Variants in NXN observed in about 807,000 individuals in gnomAD.
NXN encodes the protein nucleoredoxin 1.
NXN carries 16 observed loss-of-function variants against 48.6 expected under a neutral mutation model. The ratio of observed to expected loss-of-function variants is 0.33; its 90% CI spans 0.22 to 0.50. The LOEUF (loss-of-function observed/expected upper bound fraction) is 0.50, where lower values mean the gene tolerates loss of function less well. Among genes scored for constraint, NXN ranks in the 20% least tolerant of loss-of-function variants. The pLI is 0.98. For synonymous variants in NXN, 281 were observed against 269.6 expected, an observed-to-expected ratio of 1.04 and a Z score of -0.41; for missense variants, 492 against 605.5, an observed-to-expected ratio of 0.81 and a Z score of 1.97.
At chr17:806,646 AATTTAAT>A (rs1284804090) in intron 5 of NXN, among the ~76,000 whole-genome samples, 1 of 151,882 alleles carries the variant, frequency 6.6e-6, no homozygotes, top group Non-Finnish European at 1.5e-5. Context: ...AAGTCAGAGC[AATTTAAT>A]ATTTATAGAT....
intron 1 of NXN, among the ~76,000 whole-genome samples, chr17:846,197 G>A (rs2144731219): frequency 6.6e-6 from 1 of 152,230 alleles, no homozygotes; most frequent in Non-Finnish European, 1.5e-5. Context: ...GGGAGGCCAA[G>A]GCAGGTGGAT....
intron 1 of NXN, among the ~76,000 whole-genome samples, chr17:926,233 C>T (rs79502892): frequency 6.6e-6 from 1 of 152,142 alleles, no homozygotes; most frequent in Non-Finnish European, 1.5e-5. Flanking sequence ...TCACCCAGGC[C>T]GTAGTGCAGT....
intron 1 of NXN, among the ~76,000 whole-genome samples, chr17:827,539 CG>C (rs1408240068): frequency 1.3e-5 from 2 of 152,180 alleles, no homozygotes; most frequent in African/African-American, 4.8e-5. Context: ...AGGAGAATGG[CG>C]TGAACCCGGG....
intron 1 of NXN, chr17:911,161 T>C (rs2068632011): frequency 6.6e-6 from 1 of 152,104 alleles, no homozygotes; most frequent in African/African-American, 2.4e-5. Context: ...ATTATGTTTC[T>C]GTCTCCCATA....
At chr17:823,140 T>C (rs1173718261) in intron 3 of NXN, among the ~76,000 whole-genome samples, 3 of 148,070 alleles carry the variant, frequency 2.0e-5, no homozygotes, top group African/African-American at 7.5e-5. Flanking sequence ...GGTTCATGCT[T>C]GTAATCCCAG....
intron 1 of NXN, among the ~76,000 whole-genome samples, chr17:853,702 C>T (rs1416880829): frequency 8.4e-5 from 10 of 119,304 alleles, no homozygotes; most frequent in African/African-American, 1.8e-4. Context: ...CTGTTATACA[C>T]ATATATATAT....
chr17:806,321 C>G (rs1372388356), intron 5 of NXN, among the ~76,000 whole-genome samples: 1 of 151,522 alleles, frequency 6.6e-6, no homozygotes, highest in Non-Finnish European at 1.5e-5. Context: ...CCCCAGCTCC[C>G]CCCTTCCCCA....
At chr17:918,936 G>C (rs2068717709) in intron 1 of NXN, among the ~76,000 whole-genome samples, 1 of 151,906 alleles carries the variant, frequency 6.6e-6, no homozygotes. Flanking sequence ...AAGGTGGCGT[G>C]CGCCTGTAGT....
At chr17:844,086 G>A (rs866573220) in intron 1 of NXN, among the ~76,000 whole-genome samples, 2 of 141,494 alleles carry the variant, frequency 1.4e-5, no homozygotes, top group African/African-American at 5.4e-5. Flanking sequence ...AGGCGGTGGA[G>A]ACCAGGCCAT....
At chr17:812,458 A>C (rs1439564837) in intron 5 of NXN, among the ~76,000 whole-genome samples, 1 of 152,232 alleles carries the variant, frequency 6.6e-6, no homozygotes, top group Admixed American at 6.5e-5. Flanking sequence ...CTGAGACCCC[A>C]GGGCACAGAC....
intron 1 of NXN, among the ~76,000 whole-genome samples, chr17:831,866 G>A (rs1913491144): frequency 7.1e-6 from 1 of 140,614 alleles, no homozygotes; most frequent in African/African-American, 2.8e-5. Flanking sequence ...TGAACCTGTT[G>A]TGGTATATTT....
intron 1 of NXN, among the ~76,000 whole-genome samples, chr17:851,759 T>C (rs1204116696): frequency 1.3e-5 from 2 of 152,190 alleles, no homozygotes; most frequent in Non-Finnish European, 2.9e-5. Context: ...ATATTGCTAT[T>C]GTAAGTGGAG....
At chr17:833,311 G>A (rs1913601783) in intron 1 of NXN, among the ~76,000 whole-genome samples, 1 of 152,100 alleles carries the variant, frequency 6.6e-6, no homozygotes, top group Non-Finnish European at 1.5e-5. Context: ...AAGGTTACTC[G>A]GCTCTGAAAC....
At chr17:853,125 C>A (rs1385311883) in intron 1 of NXN, among the ~76,000 whole-genome samples, 1 of 151,986 alleles carries the variant, frequency 6.6e-6, no homozygotes, top group African/African-American at 2.4e-5. Context: ...CCACAGGCGC[C>A]CACCACCATG....
intron 1 of NXN, among the ~76,000 whole-genome samples, chr17:905,847 T>C (rs2144909020): frequency 1.3e-5 from 2 of 151,764 alleles, no homozygotes; most frequent in South Asian, 2.1e-4. Flanking sequence ...CATGGTGGCA[T>C]GTGCCTGTGG....
Position 958,163 on chromosome 17 carries a change from T to TC in NXN, c.360+21155dup, listed in dbSNP as rs1421700574. On this transcript the variant is annotated intron_variant, in intron 1 of 7. Coordinates refer to ENST00000336868, the MANE Select transcript of NXN (RefSeq NM_022463.5). This position sits in a 1 kb window ranked among gnomAD's most constrained non-coding sequence, Gnocchi z 6.9. ...TCTGTCTTAATCCACTGGACTACCC[T>TC]CCCCCTCGTTTGAAAAGGTCACTTG... Among the ~76,000 whole-genome samples the TC allele has an allele frequency of 6.6e-6, 1 of 152,044 alleles. No individual in the cohort carries two copies. The highest frequency in any genetic ancestry group is 2.4e-5 in the African/African-American group (1 of 41,414).
intron 1 of NXN, among the ~76,000 whole-genome samples, chr17:977,283 T>C (rs2069472207): frequency 6.6e-6 from 1 of 152,130 alleles, no homozygotes; most frequent in African/African-American, 2.4e-5. Context: ...GGCCAAAAAA[T>C]AAAATGTTTA....
chr17:818,125 G>T (rs1912587090), intron 5 of NXN, among the ~76,000 whole-genome samples: 1 of 151,984 alleles, frequency 6.6e-6, no homozygotes, highest in Non-Finnish European at 1.5e-5. Flanking sequence ...GCAGGGAGTG[G>T]TGGTGTGCAC....
At chr17:819,744 A>G (rs1912715542) in intron 4 of NXN, among the ~76,000 whole-genome samples, 199 bp from the exon 5 acceptor site, 1 of 152,024 alleles carries the variant, frequency 6.6e-6, no homozygotes, top group Admixed American at 6.6e-5. Context: ...GCCTCCACAC[A>G]GCAGGTGGGT....
Sources: gnomAD v4.1 joint callset for allele counts (sites outside exome capture counted in the v4.1 genomes callset) on GRCh38, gnomAD v4.1.1 for gene constraint, Gnocchi (gnomAD v3.1) non-coding constraint, MANE v1.5 for transcripts, NCBI Gene and HGNC (gene_info 2026-07-23, HGNC 2026-07-21) for gene names.